SI: variants seen among roughly 807,000 people sequenced by gnomAD.
SI encodes sucrase-isomaltase, intestinal.
SI carries 235 observed loss-of-function variants against 253.3 expected under a neutral mutation model. That is an observed-to-expected ratio of 0.93 (90% CI 0.83 to 1.03). SI has a LOEUF of 1.03. Ranked by LOEUF, SI falls within the 50% of genes least tolerant of loss-of-function variation. The probability of loss-of-function intolerance (pLI) is 0.00; values close to 1 mark genes in which losing one functional copy is unlikely to be tolerated. For synonymous variants in SI, 819 were observed against 712.0 expected (o/e 1.15, Z -2.39); for missense variants, 2,442 against 2,211.1 (o/e 1.10, Z -2.09).
rs769677927 is a variant in SI at position 165,067,351 on chromosome 3, G to A, written c.624C>T (p.Asn208=). 27 of 1,608,062 alleles carry A rather than the reference G, an allele frequency of 1.7e-5. No homozygotes were observed. Among genetic ancestry groups the A allele is most frequent in the Middle Eastern group, 1.7e-4 (1 of 6,052 alleles). ...AATAATACACTTACAAAGTTTTACCGTTGCTTTTCCTAATAACTTGGATGC... is the reference window on the plus strand; with the variant it reads ...AATAATACACTTACAAAGTTTTACCATTGCTTTTCCTAATAACTTGGATGC... ...PFSIQVIRKS[N]GKTLFDTSIG... is the part of the protein sequence containing the mutation. Residue 208 remains asparagine (N), a synonymous_variant, in exon 6 of 48, where the codon AAC becomes AAT. Coordinates refer to ENST00000264382, the MANE Select transcript of SI (RefSeq NM_001041.4).
chr3:164,998,450 G>A, intron 38 of SI, 90 bp downstream of exon 38: 1 of 1,357,694 alleles, frequency 7.4e-7, no homozygotes, highest in Admixed American at 1.7e-5. Context: ...AAAATTCTGA[G>A]GACTTATAAA....
At chr3:165,087,189 G>T in the SI span, among the ~76,000 whole-genome samples, 241 of 151,848 alleles carry the variant, frequency 1.6e-3, no homozygotes, top group African/African-American at 5.4e-3. Flanking sequence ...GTAGAAATAT[G>T]TTTTGGACCT....
intron 18 of SI, 58 bp downstream of exon 18, chr3:165,040,882 G>T: frequency 1.5e-6 from 2 of 1,376,784 alleles, no homozygotes; most frequent in Non-Finnish European, 2.1e-6. Flanking sequence ...AAACTTTTCT[G>T]TGTATGTTTG....
Position 165,030,572 on chromosome 3 carries a change from G to T in SI, c.2892+140C>A, listed in dbSNP as rs997785262. On this transcript the variant is annotated intron_variant, in intron 25 of 47. Coordinates refer to ENST00000264382, the MANE Select transcript of SI (RefSeq NM_001041.4). ...AGATAAAAGTGAATTGCCTGTCAGAGATGCTAACTTCAAATTCCAAATGAT... is the reference window on the plus strand; with the variant it reads ...AGATAAAAGTGAATTGCCTGTCAGATATGCTAACTTCAAATTCCAAATGAT... The T allele has an allele frequency of 4.7e-6, 4 of 852,968 alleles. No individual in the cohort carries two copies. The Admixed American group carries it at 8.6e-5, about 18-fold the overall frequency. The allele number at this position is 852,968 out of a possible 1,614,324, so 52.8% of individuals were successfully genotyped here.
chr3:165,040,978 A>T lies in SI; in HGVS notation c.2121T>A (p.His707Gln), dbSNP rs201276727. ...PFLYTLFYKA[H>Q]VFGETVARPV... Reference sequence around the variant, plus strand: ...GTCTTGCTACTGTTTCTCCAAACACATGGGCTTTATAAAACAGAGTGTAGA... The same window carrying T: ...GTCTTGCTACTGTTTCTCCAAACACTTGGGCTTTATAAAACAGAGTGTAGA... Residue 707 changes from histidine (H) to glutamine (Q), a missense_variant, in exon 18 of 48, where the codon CAT (histidine) becomes CAA (glutamine). Physicochemically the swap from His to Gln is conservative, Grantham distance 24. Transcript: ENST00000264382. 2.5e-6 allele frequency: 4 copies of T among 1,612,234 alleles called. No homozygotes were observed. The highest frequency in any genetic ancestry group is 3.3e-5 in the Admixed American group (2 of 59,934).
At chr3:165,030,680 A>G (rs778901909) in intron 25 of SI, 32 bp downstream of exon 25, 3 of 1,600,824 alleles carry the variant, frequency 1.9e-6, no homozygotes, top group East Asian at 2.2e-5. Flanking sequence ...TGTGATAACC[A>G]TATCATGAGT....
In SI at chr3:165,015,965, T is replaced by C. The variant is rs544429384; in HGVS notation, c.3875A>G (p.Tyr1292Cys). 3.3e-5 allele frequency: 53 copies of C among 1,610,256 alleles called. No individual in the cohort carries two copies. The East Asian group carries it at 1.2e-3, about 35-fold the overall frequency. Reference protein sequence around the residue: ...VDKIRGEGMRYIIILDPAISG... With the variant: ...VDKIRGEGMRCIIILDPAISG... The stretch of plus-strand genomic sequence containing the variant: ...CCAAGTACTGACCAGGATAATAATG[T>C]ATCTCATTCCTTCTCCTCTTATTTT... The change falls in exon 32 of 48, where the codon TAC becomes TGC. Residue 1292 changes from tyrosine (Y) to cysteine (C), a missense_variant. Physicochemically the swap from Tyr to Cys is radical, Grantham distance 194 (BLOSUM62 -2). Transcript: ENST00000264382.
rs1458541922 is a variant in SI at position 165,046,903 on chromosome 3, A to G, written c.1825T>C (p.Trp609Arg). 29 of 1,613,236 alleles carry G rather than the reference A, an allele frequency of 1.8e-5. No individual in the cohort carries two copies. The highest frequency in any genetic ancestry group is 2.5e-5 in the Non-Finnish European group (29 of 1,179,562). Residue 609 changes from tryptophan (W) to arginine (R), a missense_variant, in exon 16 of 48, where the codon TGG (tryptophan) becomes CGG (arginine). Trp to Arg is a moderately radical substitution (Grantham distance 101). Coordinates refer to ENST00000264382, the MANE Select transcript of SI (RefSeq NM_001041.4). ...GTTATAGACCATTCCATTTGTTCCC[A>G]TGAAGCAGTATTGTCTCCTAACCAA... The part of the protein sequence containing the change: ...AHWLGDNTAS[W>R]EQMEWSITGM...
In SI at chr3:165,030,790, A is replaced by G. The variant is rs1315360975; in HGVS notation, c.2814T>C (p.Asn938=). ...SVQWNQIFSE[N]ERFNCYPDAD... is the part of the protein sequence containing the mutation. ...CATCTGGATAACAATTAAATCTTTC[A>G]TTTTCTGAGAAAATTTGATTCCATT... Residue 938 remains asparagine, a synonymous_variant, in exon 25 of 48, where the codon AAT becomes AAC. Transcript: ENST00000264382. The G allele has an allele frequency of 3.7e-6, 6 of 1,601,424 alleles. No individual in the cohort carries two copies. The highest frequency in any genetic ancestry group is 1.1e-5 in the South Asian group (1 of 90,512).
chr3:165,003,234 G>A lies in SI; in HGVS notation c.4406+3582C>T, dbSNP rs572792164. Among the ~76,000 whole-genome samples the A allele has an allele frequency of 3.7e-4, 56 of 151,732 alleles. 1 individual carries two copies. Among genetic ancestry groups the A allele is most frequent in the African/African-American group, 1.3e-3 (53 of 41,438 alleles). ...CTTATTTCCTGTCTTCTGTGGAGAG[G>A]AATTTTTTTTTCAATTTTTGTTAAG... On this transcript the variant is annotated intron_variant, in intron 37 of 47. Transcript: ENST00000264382.
chr3:164,997,319 C>T lies in SI; in HGVS notation c.4541-547G>A, dbSNP rs1718056757. Among the ~76,000 whole-genome samples, 5 of 151,584 alleles carry T rather than the reference C, an allele frequency of 3.3e-5. No individual in the cohort carries two copies. The Admixed American group carries it at 3.3e-4, about 10-fold the overall frequency. On this transcript the variant is annotated intron_variant, in intron 38 of 47. Transcript: ENST00000264382. ...CTTGAATTTATTTATCAATGGTGAA[C>T]AAATTTTAAGACTAAATATAGAGCA...
At chr3:165,072,476 T>C (rs999737809) in intron 3 of SI, among the ~76,000 whole-genome samples, 1 of 152,004 alleles carries the variant, frequency 6.6e-6, no homozygotes, top group Non-Finnish European at 1.5e-5. Flanking sequence ...ATTTGAAAAT[T>C]GCAACATCTC....
chr3:165,033,317 C>T, intron 23 of SI, 78 bp downstream of exon 23: 1 of 1,313,132 alleles, frequency 7.6e-7, no homozygotes, highest in Non-Finnish European at 1.0e-6. Flanking sequence ...ACATCTTTTC[C>T]AAAAAATTTA....
At chr3:165,041,501 TG>T (rs1397981910) in intron 17 of SI, among the ~76,000 whole-genome samples, 4 of 151,982 alleles carry the variant, frequency 2.6e-5, no homozygotes, top group Non-Finnish European at 1.5e-5. Context: ...CAAACTACTC[TG>T]GCCAATAGGA....
chr3:165,087,016 C>A, the SI span, among the ~76,000 whole-genome samples: 1 of 152,140 alleles, frequency 6.6e-6, no homozygotes. Context: ...CAATATCCCA[C>A]GTGCTCCCCT....
intron 3 of SI, among the ~76,000 whole-genome samples, chr3:165,070,318 T>TAATTATATATGTATATATACATATAC (rs1714489907): frequency 1.4e-5 from 2 of 141,428 alleles, no homozygotes; most frequent in Admixed American, 1.5e-4. Flanking sequence ...TATACATATA[T>TAATTATATATGTATATATACATATAC]TATATATATA....
chr3:165,029,141 A>G (rs910607646), intron 25 of SI, among the ~76,000 whole-genome samples: 32 of 151,470 alleles, frequency 2.1e-4, no homozygotes, highest in African/African-American at 7.3e-4. Flanking sequence ...AAATCTCAAA[A>G]GAAAAGATGA....
rs1044465453 is a variant in SI, at chr3:165,021,149, G to A, written c.3254+80C>T. 3.2e-6 allele frequency: 4 copies of A among 1,259,860 alleles called. No individual in the cohort carries two copies. In the African/African-American group the frequency reaches 4.4e-5, roughly 14 times the overall value. 78.0% of individuals were successfully genotyped at this position (1,259,860 alleles called of 1,614,324 possible). On this transcript the variant is annotated intron_variant, in intron 27 of 47. Coordinates refer to ENST00000264382, the MANE Select transcript of SI (RefSeq NM_001041.4). ...TTGTGTGATGCTACTCTAGGACAGT[G>A]AAGGCTGTTAATCATTTTACTTTTC...
intron 5 of SI, among the ~76,000 whole-genome samples, chr3:165,068,107 T>C (rs1380054051): frequency 6.6e-6 from 1 of 152,088 alleles, no homozygotes; most frequent in Non-Finnish European, 1.5e-5. Flanking sequence ...AAATTTATAA[T>C]CAGTGAAAGT....
Sources: allele counts gnomAD v4.1 joint callset (sites outside exome capture counted in the v4.1 genomes callset), GRCh38; gene constraint gnomAD v4.1.1; transcripts MANE v1.5; gene names NCBI Gene and HGNC (gene_info 2026-07-23, HGNC 2026-07-21).